The following PIGL variants were observed in gnomAD, a reference collection of about 807,000 sequenced individuals.
PIGL encodes the protein N-acetylglucosaminyl-phosphatidylinositol de-N-acetylase.
PIGL carries 22 observed loss-of-function variants against 31.1 expected under a neutral mutation model. The ratio of observed to expected loss-of-function variants is 0.71; its 90% CI spans 0.51 to 1.01. The LOEUF is 1.01. Among genes scored for constraint, PIGL ranks in the 50% least tolerant of loss-of-function variants. PIGL has a pLI of 0.00. For synonymous variants in PIGL, 131 were observed against 117.4 expected (o/e 1.12, Z -0.75); for missense variants, 302 against 315.9 (o/e 0.96, Z 0.33).
intron 2 of PIGL, among the ~76,000 whole-genome samples, chr17:16,289,742 A>G (rs1328501527): frequency 6.6e-6 from 1 of 152,190 alleles, no homozygotes; most frequent in African/African-American, 2.4e-5. Flanking sequence ...TGCCTGGTTC[A>G]TGCCTATGTC....
chr17:16,310,489 G>A (rs113365401), intron 3 of PIGL, among the ~76,000 whole-genome samples: 96 of 152,188 alleles, frequency 6.3e-4, no homozygotes, highest in African/African-American at 2.1e-3. Flanking sequence ...ATAACTGATC[G>A]AAACTCATGT....
intron 2 of PIGL, among the ~76,000 whole-genome samples, chr17:16,288,099 G>T (rs1379560341): frequency 6.6e-6 from 1 of 152,154 alleles, no homozygotes; most frequent in African/African-American, 2.4e-5. Flanking sequence ...CTTTAATTTT[G>T]CATTTATTTG....
At chr17:16,301,849 G>A (rs923802611) in intron 3 of PIGL, among the ~76,000 whole-genome samples, 3 of 151,558 alleles carry the variant, frequency 2.0e-5, no homozygotes, top group South Asian at 2.1e-4. Context: ...GATTACAGGC[G>A]TGAGCCACCA....
rs2093084778 is a variant in PIGL at position 16,317,832 on chromosome 17, T to C, written c.584T>C (p.Leu195Pro). 1 of 1,614,184 alleles carries C rather than the reference T, an allele frequency of 6.2e-7. No homozygotes were observed. The highest frequency in any genetic ancestry group is 8.5e-7 in the Non-Finnish European group (1 of 1,180,044). The change falls in exon 6 of 7, where the codon CTG becomes CCG. Residue 195 changes from leucine to proline, a missense_variant. Transcript: ENST00000225609. ...VNVLRKYISLLDLPLSLLHTQ... is the reference protein window; with the variant it reads ...VNVLRKYISLPDLPLSLLHTQ... Reference sequence around the variant, plus strand: ...GTGCTGCGCAAGTACATCTCCCTTCTGGATCTGCCCTTGTCTCTGCTTCAT... The same window carrying C: ...GTGCTGCGCAAGTACATCTCCCTTCCGGATCTGCCCTTGTCTCTGCTTCAT...
At chr17:16,324,948 C>T (rs945290237) in intron 6 of PIGL, among the ~76,000 whole-genome samples, 7 of 152,052 alleles carry the variant, frequency 4.6e-5, no homozygotes, top group Non-Finnish European at 1.0e-4. Flanking sequence ...CCTCCCCAAA[C>T]GACCTAACTC....
At chr17:16,243,541 A>G (rs1289930546) in intron 2 of PIGL, among the ~76,000 whole-genome samples, 15 of 152,144 alleles carry the variant, frequency 9.9e-5, no homozygotes, top group Admixed American at 9.8e-4. Context: ...TGTTTATACC[A>G]GTGGATTTAT....
intron 6 of PIGL, among the ~76,000 whole-genome samples, chr17:16,318,245 G>C (rs1049252057): frequency 1.3e-5 from 2 of 151,568 alleles, no homozygotes; most frequent in East Asian, 1.9e-4. Context: ...GGTAATCCTT[G>C]TTAACATGTT....
chr17:16,269,738 G>A (rs2092862337), intron 2 of PIGL, among the ~76,000 whole-genome samples: 1 of 147,494 alleles, frequency 6.8e-6, no homozygotes, highest in African/African-American at 2.5e-5. Flanking sequence ...AATCTAATGG[G>A]GTGGGTGATT....
chr17:16,237,636 A>G (rs575637102), intron 2 of PIGL, among the ~76,000 whole-genome samples: 1 of 151,094 alleles, frequency 6.6e-6, no homozygotes, highest in Non-Finnish European at 1.5e-5. Context: ...CCCCGTCTCT[A>G]CTAAAAATAC....
chr17:16,243,385 G>T (rs1382918514), intron 2 of PIGL, among the ~76,000 whole-genome samples: 1 of 152,156 alleles, frequency 6.6e-6, no homozygotes, highest in East Asian at 1.9e-4. Context: ...GCATTGGTGG[G>T]AATTGATGTT....
intron 3 of PIGL, among the ~76,000 whole-genome samples, chr17:16,303,927 G>A (rs898372124): frequency 5.3e-5 from 8 of 152,064 alleles, no homozygotes; most frequent in African/African-American, 1.9e-4. Context: ...TGTTAGCCAG[G>A]ATGGTCTCGA....
At chr17:16,282,318 T>C (rs958670674) in intron 2 of PIGL, among the ~76,000 whole-genome samples, 12 of 152,076 alleles carry the variant, frequency 7.9e-5, no homozygotes, top group African/African-American at 2.9e-4. Context: ...GTAGAAAGAC[T>C]CCATATCCTT....
chr17:16,240,345 A>G (rs2092717446), intron 2 of PIGL, among the ~76,000 whole-genome samples: 1 of 152,034 alleles, frequency 6.6e-6, no homozygotes, highest in Non-Finnish European at 1.5e-5. Context: ...ACCCAGTCTC[A>G]GGTATTTCTT....
rs536673657 is a variant in PIGL at position 16,280,453 on chromosome 17, T to C, written c.336-19435T>C. Among the ~76,000 whole-genome samples, 41 of 152,376 alleles carry C rather than the reference T, an allele frequency of 2.7e-4. 1 individual carries two copies. In the East Asian group the frequency reaches 6.2e-3, roughly 23 times the overall value. On this transcript the variant is annotated intron_variant, in intron 2 of 6. Coordinates refer to ENST00000225609, the MANE Select transcript of PIGL (RefSeq NM_004278.4). Reference sequence around the variant, plus strand: ...GTTCATGTTTAGCTTACATACAGTATTGGGTCATTTTTTGCATAACTTTTT... The same window carrying C: ...GTTCATGTTTAGCTTACATACAGTACTGGGTCATTTTTTGCATAACTTTTT...
intron 3 of PIGL, among the ~76,000 whole-genome samples, chr17:16,311,913 C>G (rs2142859926): frequency 6.6e-6 from 1 of 152,342 alleles, no homozygotes; most frequent in African/African-American, 2.4e-5. Context: ...CACCTTTCCC[C>G]CTTTTCTATT....
intron 2 of PIGL, among the ~76,000 whole-genome samples, chr17:16,245,852 C>T (rs2092744209): frequency 6.7e-6 from 1 of 149,256 alleles, no homozygotes; most frequent in African/African-American, 2.5e-5. Flanking sequence ...CGGAGTCTCC[C>T]TCTGTCACCC....
At chr17:16,262,224 A>G (rs1017150151) in intron 2 of PIGL, among the ~76,000 whole-genome samples, 1 of 152,160 alleles carries the variant, frequency 6.6e-6, no homozygotes, top group African/African-American at 2.4e-5. Flanking sequence ...CCCTGTCTCA[A>G]GAGAAAAAAG....
chr17:16,228,448 G>A (rs765135580), intron 1 of PIGL, among the ~76,000 whole-genome samples: 2 of 151,944 alleles, frequency 1.3e-5, no homozygotes, highest in South Asian at 2.1e-4. Flanking sequence ...GCAGTGGCGC[G>A]ATGTACGCTC....
chr17:16,239,497 G>C (rs1172113686), intron 2 of PIGL, among the ~76,000 whole-genome samples: 2 of 142,834 alleles, frequency 1.4e-5, no homozygotes, highest in Non-Finnish European at 3.1e-5. Context: ...AAATAAAAAA[G>C]AAAAAAAAAA....
Sources: gnomAD v4.1 joint callset for allele counts (sites outside exome capture counted in the v4.1 genomes callset) on GRCh38, gnomAD v4.1.1 for gene constraint, MANE v1.5 for transcripts, NCBI Gene and HGNC (gene_info 2026-07-23, HGNC 2026-07-21) for gene names.